ACTR6: variants seen among roughly 807,000 people sequenced by gnomAD.
ACTR6 encodes actin related protein 6.
Under a neutral mutation model 52.5 loss-of-function variants are expected in ACTR6, and 50 were observed. The ratio of observed to expected loss-of-function variants is 0.95; its 90% confidence interval spans 0.76 to 1.20. The LOEUF (loss-of-function observed/expected upper bound fraction) is 1.20. Among genes scored for constraint, ACTR6 ranks in the 50% most tolerant of loss-of-function variants. The pLI, the probability that ACTR6 is intolerant of heterozygous loss-of-function variation, is 0.00. For missense variants in ACTR6, 344 were observed against 472.4 expected (o/e 0.73, Z 2.52); for synonymous variants, 135 against 147.2 (o/e 0.92, Z 0.60).
chr12:100,201,713 C>G (rs764181833), intron 1 of ACTR6, among the ~76,000 whole-genome samples: 14 of 152,218 alleles, frequency 9.2e-5, no homozygotes, highest in Non-Finnish European at 1.8e-4. Flanking sequence ...TCACTGCAGC[C>G]TGAATTCAAG....
In ACTR6 at chr12:100,218,287, C is replaced by G; in HGVS notation, c.751-128C>G. 1 of 597,182 alleles carries G rather than the reference C, an allele frequency of 1.7e-6. No homozygotes were observed. The highest frequency in any genetic ancestry group is 2.4e-6 in the Non-Finnish European group (1 of 424,650). The allele number at this position is 597,182 out of a possible 1,614,324, so 37.0% of individuals were successfully genotyped here. On this transcript the variant is annotated intron_variant, in intron 8 of 10. Coordinates refer to ENST00000188312, the MANE Select transcript of ACTR6 (RefSeq NM_022496.5). This position sits in a 1 kb window ranked among gnomAD's most constrained non-coding sequence, Gnocchi z 4.2. ...CACATTCTTCTAAATTTTGAGAATCCTGAAACTTCCAAGAACATTATTAAT... is the reference window on the plus strand; with the variant it reads ...CACATTCTTCTAAATTTTGAGAATCGTGAAACTTCCAAGAACATTATTAAT...
intron 10 of ACTR6, among the ~76,000 whole-genome samples, chr12:100,222,898 A>G (rs1427540135): frequency 6.6e-6 from 1 of 151,926 alleles, no homozygotes; most frequent in Non-Finnish European, 1.5e-5. Context: ...TTTATCATAC[A>G]CTATGTTTTC....
intron 8 of ACTR6, among the ~76,000 whole-genome samples, chr12:100,214,437 TAGAAAC>T (rs2096122366): frequency 6.6e-6 from 1 of 151,900 alleles, no homozygotes; most frequent in Non-Finnish European, 1.5e-5. Flanking sequence ...TTTATGTTCT[TAGAAAC>T]AGATCCTTAT....
At chr12:100,209,545 G>A (rs969678423) in intron 4 of ACTR6, among the ~76,000 whole-genome samples, 5 of 152,018 alleles carry the variant, frequency 3.3e-5, no homozygotes, top group African/African-American at 1.2e-4. Flanking sequence ...ATCCTACAAC[G>A]CATAGGAAAG....
At chr12:100,221,925 T>G (rs1203666418) in intron 10 of ACTR6, 5 of 151,678 alleles carry the variant, frequency 3.3e-5, no homozygotes, top group Non-Finnish European at 5.9e-5. Flanking sequence ...AGCCAAGTTG[T>G]GTTTTGGGGG....
intron 4 of ACTR6, chr12:100,208,773 GT>G (rs2096117277): frequency 2.2e-6 from 1 of 455,604 alleles, no homozygotes; most frequent in East Asian, 7.0e-5. Context: ...TTAAGTCAGG[GT>G]CTTGCTCTGT....
In ACTR6 at chr12:100,211,804, C is replaced by T. The variant is rs12312802; in HGVS notation, c.573-452C>T. On this transcript the variant is annotated intron_variant, in intron 6 of 10. Coordinates refer to ENST00000188312, the MANE Select transcript of ACTR6 (RefSeq NM_022496.5). ...GGAAAAGTTTTTGTTTATTTTTAAA[C>T]ATCTTTATTTCTATAGTAAGCCAAT... Among the ~76,000 whole-genome samples the T allele has an allele frequency of 2.7e-3, 416 of 152,040 alleles. 1 individual carries two copies. Among genetic ancestry groups the T allele is most frequent in the African/African-American group, 9.6e-3 (400 of 41,508 alleles).
At chr12:100,223,066 G>C (rs140367487) in intron 10 of ACTR6, among the ~76,000 whole-genome samples, 33 of 152,106 alleles carry the variant, frequency 2.2e-4, no homozygotes, top group African/African-American at 5.1e-4. Flanking sequence ...GGCTGGGTGT[G>C]GTGGCTCACA....
At chr12:100,219,473 C>T (rs1487059868) in intron 9 of ACTR6, among the ~76,000 whole-genome samples, 3 of 152,078 alleles carry the variant, frequency 2.0e-5, no homozygotes, top group Non-Finnish European at 4.4e-5. Flanking sequence ...TACTTAGATC[C>T]CTTCTTTAAA....
chr12:100,223,772 A>C lies in ACTR6; in HGVS notation c.1062-14A>C, dbSNP rs374376229. 2 of 1,597,976 alleles carry C rather than the reference A, an allele frequency of 1.3e-6. No individual in the cohort carries two copies. Among genetic ancestry groups the C allele is most frequent in the Non-Finnish European group, 1.7e-6 (2 of 1,175,520 alleles). On this transcript the variant is annotated splice_polypyrimidine_tract_variant and intron_variant, in intron 10 of 10. Coordinates refer to ENST00000188312, the MANE Select transcript of ACTR6 (RefSeq NM_022496.5). The stretch of plus-strand genomic sequence containing the variant: ...TGTAAAATCATCTGGGTTCATTTAT[A>C]CCTTTATTTTCAGCCCTATTACTTA...
At chr12:100,217,830 A>G (rs1022382832) in intron 8 of ACTR6, among the ~76,000 whole-genome samples, 1 of 152,326 alleles carries the variant, frequency 6.6e-6, no homozygotes. Flanking sequence ...CCACATATCC[A>G]GTAAACACCT....
chr12:100,213,006 CAAAA>C (rs60253803), intron 8 of ACTR6, among the ~76,000 whole-genome samples: 2 of 66,740 alleles, frequency 3.0e-5, no homozygotes, highest in South Asian at 6.0e-4. Context: ...GACTCTGTCT[CAAAA>C]AAAAAAAAAA....
chr12:100,203,294 A>T (rs1296990825), intron 1 of ACTR6, among the ~76,000 whole-genome samples: 1 of 152,054 alleles, frequency 6.6e-6, no homozygotes, highest in Non-Finnish European at 1.5e-5. Context: ...CTTTGGCTTC[A>T]TGGGAACTTA....
chr12:100,213,109 G>C (rs1006610473), intron 8 of ACTR6, among the ~76,000 whole-genome samples: 21 of 142,766 alleles, frequency 1.5e-4, no homozygotes, highest in African/African-American at 5.4e-4. Context: ...GGTTTTTTTT[G>C]AGACAACATC....
intron 1 of ACTR6, chr12:100,203,925 A>G (rs11110287): frequency 0.063 from 9,610 of 152,446 alleles, 331 homozygotes; most frequent in Middle Eastern, 0.14. Flanking sequence ...CTGGGATTAC[A>G]GGCATGAGCC....
rs7313835 is a variant in ACTR6, at chr12:100,212,242, T to C, written c.573-14T>C. 43,398 of 1,525,900 alleles carry C rather than the reference T, an allele frequency of 0.028. 937 individuals carry two copies. Among genetic ancestry groups the C allele is most frequent in the South Asian group, 0.079 (6,262 of 79,430 alleles). The allele number at this position is 1,525,900 out of a possible 1,614,324, so 94.5% of individuals were successfully genotyped here. A position where few individuals can be genotyped will look rare whatever the true frequency, so the allele number is the denominator to read the frequency against. ...TTGTTTTGCTTCAAATTTTACAACT[T>C]TTATTTCTGTTAGGCAGCTACATGT... On this transcript the variant is annotated splice_polypyrimidine_tract_variant and intron_variant, in intron 6 of 10. Transcript: ENST00000188312.
At chr12:100,208,796 G>C (rs1188088802) in intron 4 of ACTR6, 1 of 455,382 alleles carries the variant, frequency 2.2e-6, no homozygotes, top group Non-Finnish European at 4.4e-6. Flanking sequence ...GCCCAGGCTA[G>C]AGTGTGGTGG....
intron 1 of ACTR6, chr12:100,201,136 A>G: frequency 3.2e-6 from 4 of 1,264,810 alleles, no homozygotes; most frequent in Non-Finnish European, 4.2e-6. Flanking sequence ...GAAGTGGGAT[A>G]TATGTTTTAT....
chr12:100,201,050 G>C, intron 1 of ACTR6, 131 bp downstream of exon 1: 1 of 1,544,292 alleles, frequency 6.5e-7, no homozygotes, highest in Non-Finnish European at 8.7e-7. Context: ...GGATTCCCTG[G>C]TTGGAGCTGG....
Sources: gnomAD v4.1 joint callset for allele counts (sites outside exome capture counted in the v4.1 genomes callset) on GRCh38, gnomAD v4.1.1 for gene constraint, Gnocchi (gnomAD v3.1) non-coding constraint, MANE v1.5 for transcripts, NCBI Gene and HGNC (gene_info 2026-07-23, HGNC 2026-07-21) for gene names.